TTC27: variants seen among roughly 807,000 people sequenced by gnomAD.
TTC27 encodes tetratricopeptide repeat protein 27.
A neutral mutation model predicts 115.9 loss-of-function variants in TTC27; 79 were observed. The ratio of observed to expected loss-of-function variants is 0.68; its 90% confidence interval spans 0.57 to 0.82. The LOEUF (loss-of-function observed/expected upper bound fraction) is 0.82. Among genes scored for constraint, TTC27 ranks in the 40% least tolerant of loss-of-function variants. The pLI, the probability that TTC27 is intolerant of heterozygous loss-of-function variation, is 0.00. For synonymous variants in TTC27, 401 were observed against 356.0 expected (o/e 1.13, Z -1.42); for missense variants, 1,054 against 993.1 (o/e 1.06, Z -0.82).
chr2:32,701,008 G>C (rs888973565), intron 9 of TTC27, among the ~76,000 whole-genome samples: 2 of 152,018 alleles, frequency 1.3e-5, no homozygotes, highest in African/African-American at 2.4e-5. Flanking sequence ...GGAGGCCAAC[G>C]AGATAAGGTT....
At chr2:32,763,906 C>G (rs1669531318) in intron 13 of TTC27, among the ~76,000 whole-genome samples, 1 of 152,110 alleles carries the variant, frequency 6.6e-6, no homozygotes, top group South Asian at 2.1e-4. Flanking sequence ...ACCAAATCTC[C>G]CAGGCACAAT....
chr2:32,726,062 A>G (rs929642876), intron 10 of TTC27, among the ~76,000 whole-genome samples: 1 of 151,956 alleles, frequency 6.6e-6, no homozygotes, highest in East Asian at 1.9e-4. Flanking sequence ...TGCACACAGA[A>G]CAGGGACCCT....
At chr2:32,645,645 C>T (rs575512212) in intron 4 of TTC27, among the ~76,000 whole-genome samples, 1 of 152,076 alleles carries the variant, frequency 6.6e-6, no homozygotes, top group South Asian at 2.1e-4. Flanking sequence ...GTGTGCTGTA[C>T]CCATTAACTC....
At chr2:32,820,665 T>A (rs6543677) in intron 19 of TTC27, 151 bp from the exon 20 acceptor site, 1 of 546,342 alleles carries the variant, frequency 1.8e-6, no homozygotes, top group Non-Finnish European at 2.7e-6. Context: ...GTACATTTCT[T>A]GGCTAGTGAA....
Position 32,640,264 on chromosome 2 carries a change from T to G in TTC27, c.397-6T>G. On this transcript the variant is annotated splice_polypyrimidine_tract_variant and splice_region_variant and intron_variant, in intron 3 of 19. Coordinates refer to ENST00000317907, the MANE Select transcript of TTC27 (RefSeq NM_017735.5). The stretch of plus-strand genomic sequence containing the variant: ...ATATCATCTTAGTTTATAATCCTTT[T>G]TTCAGGTTAAAGGACTGGATGCATT... 1 of 1,609,384 alleles carries G rather than the reference T, an allele frequency of 6.2e-7. No individual in the cohort carries two copies. Among genetic ancestry groups the G allele is most frequent in the Non-Finnish European group, 8.5e-7 (1 of 1,178,588 alleles).
At chr2:32,645,071 A>G (rs1279578472) in intron 4 of TTC27, among the ~76,000 whole-genome samples, 1 of 152,040 alleles carries the variant, frequency 6.6e-6, no homozygotes, top group Non-Finnish European at 1.5e-5. Context: ...GAAACATTAC[A>G]TACTTATCCA....
At chr2:32,669,095 C>A (rs896298971) in intron 7 of TTC27, among the ~76,000 whole-genome samples, 4 of 151,876 alleles carry the variant, frequency 2.6e-5, no homozygotes, top group Non-Finnish European at 5.9e-5. Context: ...AAAAATAAAT[C>A]AATAAATAAA....
rs774693052 is a variant in TTC27 at position 32,736,863 on chromosome 2, G to A, written c.1452+47G>A. On this transcript the variant is annotated intron_variant, in intron 12 of 19. Coordinates refer to ENST00000317907, the MANE Select transcript of TTC27 (RefSeq NM_017735.5). ...TGTACTGGTGAGAGCCTTCCCTCTG[G>A]GAGCATCTTCTCACTTGTTTTGTTT... 6 of 1,594,086 alleles carry A rather than the reference G, an allele frequency of 3.8e-6. No homozygotes were observed. In the African/African-American group the frequency reaches 8.1e-5, roughly 21 times the overall value.
intron 10 of TTC27, among the ~76,000 whole-genome samples, chr2:32,712,646 C>T (rs1176470300): frequency 1.3e-5 from 2 of 151,902 alleles, no homozygotes; most frequent in Non-Finnish European, 2.9e-5. Context: ...CGATCTCCAC[C>T]TCCTGGGCTC....
At chr2:32,798,721 AT>A (rs1022935589) in intron 16 of TTC27, among the ~76,000 whole-genome samples, 11 of 146,624 alleles carry the variant, frequency 7.5e-5, no homozygotes, top group African/African-American at 1.0e-4. Flanking sequence ...AAAAATAATA[AT>A]AATAATAATA....
At chr2:32,702,193 A>G (rs1346646106) in intron 9 of TTC27, among the ~76,000 whole-genome samples, 1 of 152,116 alleles carries the variant, frequency 6.6e-6, no homozygotes, top group East Asian at 1.9e-4. Context: ...TTGAAACAAG[A>G]GAAGGACCAA....
At chr2:32,669,327 T>G (rs2151882589) in intron 7 of TTC27, among the ~76,000 whole-genome samples, 2 of 152,310 alleles carry the variant, frequency 1.3e-5, no homozygotes, top group African/African-American at 4.8e-5. Context: ...TAAAATACAT[T>G]CAGATAATCT....
At chr2:32,768,300 G>A (rs1669709699) in intron 13 of TTC27, among the ~76,000 whole-genome samples, 1 of 151,934 alleles carries the variant, frequency 6.6e-6, no homozygotes, top group Non-Finnish European at 1.5e-5. Flanking sequence ...CATCTTATAA[G>A]TCCCCAGATG....
chr2:32,701,881 C>T (rs4952284), intron 9 of TTC27, among the ~76,000 whole-genome samples: 128,945 of 151,908 alleles, frequency 0.85, 54,837 homozygotes, highest in Middle Eastern at 0.93. Context: ...CATGGTGGTA[C>T]AGGCCTGCCG....
chr2:32,806,659 G>A (rs1352627173), intron 16 of TTC27, among the ~76,000 whole-genome samples: 3 of 152,074 alleles, frequency 2.0e-5, no homozygotes, highest in Non-Finnish European at 4.4e-5. Flanking sequence ...GCACGCGCCT[G>A]TAGTCCCAGC....
Position 32,820,934 on chromosome 2 carries a change from A to G in TTC27, c.2528A>G (p.Tyr843Cys). The G allele has an allele frequency of 2.7e-6, 4 of 1,504,862 alleles. No homozygotes were observed. In the East Asian group the frequency reaches 7.5e-5, roughly 28 times the overall value. 93.2% of individuals were successfully genotyped at this position (1,504,862 alleles called of 1,614,324 possible). ...CTAAGCAACCAGTTTCGAAATCAGTATTGATTCTGCTGGAAGCAGATTCTG... is the reference window on the plus strand; with the variant it reads ...CTAAGCAACCAGTTTCGAAATCAGTGTTGATTCTGCTGGAAGCAGATTCTG... ...QDLSNQFRNQY is the reference protein window; with the variant it reads ...QDLSNQFRNQC Residue 843 changes from tyrosine (Y) to cysteine (C), a missense_variant, in exon 20 of 20, where the codon TAT becomes TGT. Coordinates refer to ENST00000317907, the MANE Select transcript of TTC27 (RefSeq NM_017735.5).
chr2:32,660,395 C>T (rs566234681), intron 5 of TTC27, among the ~76,000 whole-genome samples: 1 of 152,258 alleles, frequency 6.6e-6, no homozygotes, highest in Non-Finnish European at 1.5e-5. Flanking sequence ...GGCACATATA[C>T]ACCATGGAAT....
chr2:32,628,846 C>T (rs895507284), intron 1 of TTC27, among the ~76,000 whole-genome samples: 1 of 151,858 alleles, frequency 6.6e-6, no homozygotes, highest in Non-Finnish European at 1.5e-5. Context: ...CTGCAACCTC[C>T]GCCTCCCGGG....
At chr2:32,663,636 TTATGTATGTATGTATGTATG>T (rs70938357) in intron 5 of TTC27, among the ~76,000 whole-genome samples, 26 of 146,506 alleles carry the variant, frequency 1.8e-4, no homozygotes, top group South Asian at 8.6e-4. Context: ...CACCCCCTAT[TTATGTATGTATGTATGTATG>T]TATGTATGTA....
Sources: gnomAD v4.1 joint callset for allele counts (sites outside exome capture counted in the v4.1 genomes callset) on GRCh38, gnomAD v4.1.1 for gene constraint, MANE v1.5 for transcripts, NCBI Gene and HGNC (gene_info 2026-07-23, HGNC 2026-07-21) for gene names.